Variants in PLD5 observed in about 807,000 individuals in gnomAD.
The protein encoded by PLD5 is inactive phospholipase D5.
PLD5 carries 36 observed loss-of-function variants against 61.1 expected under a neutral mutation model. That is an observed-to-expected ratio of 0.59 (90% CI 0.45 to 0.78). The LOEUF (loss-of-function observed/expected upper bound fraction) is 0.78. Ranked by LOEUF, PLD5 falls within the 30% of genes least tolerant of loss-of-function variation. The pLI is 0.00. For missense variants in PLD5, 515 were observed against 644.4 expected, an observed-to-expected ratio of 0.80 and a Z score of 2.17; for synonymous variants, 243 against 242.8, an observed-to-expected ratio of 1.00 and a Z score of -0.01.
intron 1 of PLD5, among the ~76,000 whole-genome samples, chr1:242,458,205 G>A (rs923736781): frequency 2.0e-5 from 3 of 152,172 alleles, no homozygotes; most frequent in African/African-American, 7.2e-5. Flanking sequence ...GGACCTGCAT[G>A]TCCTCTCAAC....
chr1:242,305,346 T>C (rs1460926622), intron 2 of PLD5, among the ~76,000 whole-genome samples: 4 of 152,222 alleles, frequency 2.6e-5, no homozygotes, highest in African/African-American at 4.8e-5. Flanking sequence ...TTATTTCCTG[T>C]ACACACATTC....
chr1:242,370,903 A>C (rs150282419), intron 1 of PLD5, among the ~76,000 whole-genome samples: 5 of 152,202 alleles, frequency 3.3e-5, no homozygotes, highest in African/African-American at 9.6e-5. Context: ...CTCTTGCAAT[A>C]TATCAAAATA....
At chr1:242,526,849 TATA>T (rs1669458454), upstream of PLD5, among the ~76,000 whole-genome samples, 1 of 152,182 alleles carries the variant, frequency 6.6e-6, no homozygotes, top group Admixed American at 6.5e-5. Context: ...TACAGTCTTT[TATA>T]ATATTGTTAA....
chr1:242,428,229 C>G (rs1165587080), intron 1 of PLD5, among the ~76,000 whole-genome samples: 1 of 152,212 alleles, frequency 6.6e-6, no homozygotes, highest in East Asian at 1.9e-4. Context: ...TGAAAATACA[C>G]TTCACTGAAA....
intron 4 of PLD5, among the ~76,000 whole-genome samples, chr1:242,225,783 G>T (rs780321775): frequency 1.3e-5 from 2 of 152,234 alleles, no homozygotes; most frequent in Non-Finnish European, 2.9e-5. Context: ...CTCCAGTTGA[G>T]AAACATTTGG....
At position 242,089,826 on chromosome 1, in the gene PLD5, G is replaced by C; in HGVS notation, c.*28C>G. On this transcript the variant is annotated 3_prime_UTR_variant, in exon 10 of 10. Coordinates refer to ENST00000536534, the MANE Select transcript of PLD5 (RefSeq NM_001372062.1). ...CCTTTATGTATAAATATGAAATACA[G>C]AGCTGTCCTGTCAGTTTCTTCATCA... is the stretch of plus-strand genomic sequence containing the variant. 6.2e-7 allele frequency: 1 copy of C among 1,613,092 alleles called. No individual in the cohort carries two copies. The highest frequency in any genetic ancestry group is 8.5e-7 in the Non-Finnish European group (1 of 1,179,178).
intron 1 of PLD5, among the ~76,000 whole-genome samples, chr1:242,408,407 G>T (rs1020949037): frequency 1.3e-5 from 2 of 152,172 alleles, no homozygotes; most frequent in Non-Finnish European, 2.9e-5. Flanking sequence ...GTGGAAGTAG[G>T]GCCTGGTGGG....
At chr1:242,515,405 G>T (rs1270557779) in intron 1 of PLD5, among the ~76,000 whole-genome samples, 1 of 152,158 alleles carries the variant, frequency 6.6e-6, no homozygotes, top group East Asian at 1.9e-4. Flanking sequence ...TAGAGATGAG[G>T]TTTCACCATG....
intron 4 of PLD5, among the ~76,000 whole-genome samples, chr1:242,226,488 C>A (rs1670952785): frequency 6.6e-6 from 1 of 152,204 alleles, no homozygotes; most frequent in Non-Finnish European, 1.5e-5. Context: ...AGAGTATATC[C>A]TTTCTATTGT....
chr1:242,179,683 A>T (rs1395739911), intron 5 of PLD5, among the ~76,000 whole-genome samples: 1 of 152,098 alleles, frequency 6.6e-6, no homozygotes, highest in African/African-American at 2.4e-5. Flanking sequence ...CGGGCAGATC[A>T]CTTGAGGTCA....
chr1:242,497,394 G>A (rs1380375869), intron 1 of PLD5, among the ~76,000 whole-genome samples: 1 of 152,066 alleles, frequency 6.6e-6, no homozygotes, highest in Non-Finnish European at 1.5e-5. Context: ...AGGAAAAAAT[G>A]ACCTCTCAGA....
At chr1:242,445,444 T>A (rs1183657003) in intron 1 of PLD5, among the ~76,000 whole-genome samples, 1 of 152,146 alleles carries the variant, frequency 6.6e-6, no homozygotes. Flanking sequence ...TGGGTTCAAG[T>A]GATTCTCCTG....
chr1:242,350,902 T>G (rs1405802381), intron 1 of PLD5, among the ~76,000 whole-genome samples: 4 of 151,698 alleles, frequency 2.6e-5, no homozygotes, highest in African/African-American at 9.7e-5. Flanking sequence ...TTATTCTTTT[T>G]TTTTTTTTTT....
At chr1:242,280,357 A>G (rs1674652659) in intron 3 of PLD5, among the ~76,000 whole-genome samples, 1 of 152,226 alleles carries the variant, frequency 6.6e-6, no homozygotes, top group Non-Finnish European at 1.5e-5. Flanking sequence ...AGAACTAAAT[A>G]TAAACAAAAT....
Position 242,246,478 on chromosome 1 carries a change from A to AACACACACACACACACACAC in PLD5, c.607+18839_607+18858dup, listed in dbSNP as rs34723926. Among the ~76,000 whole-genome samples the AACACACACACACACACACAC allele has an allele frequency of 2.5e-3, 352 of 141,190 alleles. 3 individuals are homozygous for AACACACACACACACACACAC. Among genetic ancestry groups the AACACACACACACACACACAC allele is most frequent in the South Asian group, 6.4e-3 (27 of 4,190 alleles). 92.6% of individuals were successfully genotyped at this position (141,190 alleles called of 152,430 possible). On this transcript the variant is annotated intron_variant, in intron 4 of 9. Coordinates refer to ENST00000536534, the MANE Select transcript of PLD5 (RefSeq NM_001372062.1). ...CACCCTATACTTGCATAGAAAAGAC[A>AACACACACACACACACACAC]ACACACACACACACACACACACACA...
At chr1:242,118,722 G>C (rs991038180) in intron 6 of PLD5, among the ~76,000 whole-genome samples, 1 of 152,160 alleles carries the variant, frequency 6.6e-6, no homozygotes, top group Non-Finnish European at 1.5e-5. Context: ...ACAATGGCAG[G>C]TGCTCCAGCT....
At chr1:242,354,602 C>T (rs1313219737) in intron 1 of PLD5, among the ~76,000 whole-genome samples, 1 of 152,100 alleles carries the variant, frequency 6.6e-6, no homozygotes, top group South Asian at 2.1e-4. Flanking sequence ...TCTTCCTTTT[C>T]TATTTGGATG....
At chr1:242,190,088 TA>T (rs1477674270) in intron 5 of PLD5, among the ~76,000 whole-genome samples, 4 of 149,086 alleles carry the variant, frequency 2.7e-5, no homozygotes, top group Non-Finnish European at 5.9e-5. Flanking sequence ...GGACCTTCAC[TA>T]AGGTCCTTCA....
At chr1:242,499,761 C>T (rs1297164065) in intron 1 of PLD5, among the ~76,000 whole-genome samples, 1 of 151,570 alleles carries the variant, frequency 6.6e-6, no homozygotes, top group Non-Finnish European at 1.5e-5. Context: ...TTGTTGTGCT[C>T]ATGGATTGTG....
Sources: allele counts gnomAD v4.1 joint callset (sites outside exome capture counted in the v4.1 genomes callset), GRCh38; gene constraint gnomAD v4.1.1; transcripts MANE v1.5; gene names NCBI Gene and HGNC (gene_info 2026-07-23, HGNC 2026-07-21).